PPP1R8: variants seen among roughly 807,000 people sequenced by gnomAD.
PPP1R8 encodes the protein protein phosphatase 1 regulatory subunit 8.
A neutral mutation model predicts 31.3 loss-of-function variants in PPP1R8; 4 were observed. That is an observed-to-expected ratio of 0.13 (90% CI 0.06 to 0.29). The LOEUF is 0.29. Among genes scored for constraint, PPP1R8 ranks in the 10% least tolerant of loss-of-function variants. The probability of loss-of-function intolerance (pLI) is 1.00; values close to 1 mark genes in which losing one functional copy is unlikely to be tolerated. For synonymous variants in PPP1R8, 170 were observed against 169.7 expected (o/e 1.00, Z -0.01); for missense variants, 254 against 440.1 (o/e 0.58, Z 3.78).
At chr1:27,832,851 A>G in intron 2 of PPP1R8, 35 bp downstream of exon 2, 2 of 1,554,390 alleles carry the variant, frequency 1.3e-6, no homozygotes, top group South Asian at 2.3e-5. Flanking sequence ...TTTGGCTGCC[A>G]CACTAAAGAT....
chr1:27,834,328 C>A (rs2089140580), intron 2 of PPP1R8: 2 of 457,198 alleles, frequency 4.4e-6, no homozygotes, highest in South Asian at 3.3e-5. Flanking sequence ...TGTCAAGTTA[C>A]AATCCTTAGA....
intron 2 of PPP1R8, among the ~76,000 whole-genome samples, chr1:27,837,379 C>T (rs911318453): frequency 6.7e-6 from 1 of 150,060 alleles, no homozygotes; most frequent in Non-Finnish European, 1.5e-5. Context: ...TGTAGTGAGC[C>T]GAGATCACGC....
intron 5 of PPP1R8, among the ~76,000 whole-genome samples, chr1:27,846,608 C>T (rs757397522): frequency 1.3e-5 from 2 of 152,216 alleles, no homozygotes; most frequent in Non-Finnish European, 2.9e-5. Flanking sequence ...ATTGTTTTGT[C>T]ACTGATATGG....
intron 5 of PPP1R8, among the ~76,000 whole-genome samples, chr1:27,844,840 C>G (rs1335181106): frequency 1.4e-5 from 2 of 144,500 alleles, no homozygotes; most frequent in Non-Finnish European, 3.0e-5. Flanking sequence ...GCCTCAGCCT[C>G]CCGAGTAGCT....
At chr1:27,840,561 C>G (rs1196845597) in intron 3 of PPP1R8, among the ~76,000 whole-genome samples, 1 of 152,164 alleles carries the variant, frequency 6.6e-6, no homozygotes, top group Non-Finnish European at 1.5e-5. Context: ...TGACTTGGAG[C>G]TGGAGAGGGA....
intron 6 of PPP1R8, among the ~76,000 whole-genome samples, chr1:27,848,753 G>A (rs1486812336): frequency 6.6e-6 from 1 of 152,106 alleles, no homozygotes; most frequent in Admixed American, 6.5e-5. Context: ...GTTTTTCTGT[G>A]GGATTCCATA....
chr1:27,832,890 C>T (rs538236562), intron 2 of PPP1R8, 74 bp downstream of exon 2: 55 of 1,234,272 alleles, frequency 4.5e-5, no homozygotes, highest in Non-Finnish European at 5.9e-5. Context: ...TTTCCACCCC[C>T]TCTCCTGTGC....
chr1:27,839,394 G>A (rs1198027921), intron 3 of PPP1R8, among the ~76,000 whole-genome samples: 5 of 152,090 alleles, frequency 3.3e-5, no homozygotes, highest in African/African-American at 4.8e-5. Context: ...TGGGTGTGGC[G>A]GCGGGTGCCT....
chr1:27,834,457 ATGTGT>A (rs1397708806), intron 2 of PPP1R8: 3 of 519,124 alleles, frequency 5.8e-6, no homozygotes, highest in Non-Finnish European at 1.2e-5. Context: ...AAGGCTTGTG[ATGTGT>A]TGTGATAGCT....
intron 2 of PPP1R8, among the ~76,000 whole-genome samples, chr1:27,837,507 C>T (rs755336650): frequency 2.7e-5 from 4 of 148,822 alleles, no homozygotes; most frequent in Non-Finnish European, 5.9e-5. Context: ...CCGGGCGCAG[C>T]GGTTGGCTCA....
At chr1:27,833,186 C>A (rs1298895692) in intron 2 of PPP1R8, among the ~76,000 whole-genome samples, 1 of 152,110 alleles carries the variant, frequency 6.6e-6, no homozygotes, top group Non-Finnish European at 1.5e-5. Flanking sequence ...AGTTTAACTT[C>A]TAAGTTAATT....
chr1:27,841,548 G>C (rs776378885), intron 4 of PPP1R8, among the ~76,000 whole-genome samples: 7 of 152,200 alleles, frequency 4.6e-5, no homozygotes, highest in Non-Finnish European at 7.3e-5. Flanking sequence ...TCCCTTGACT[G>C]CTTAGAGCTA....
intron 3 of PPP1R8, 100 bp downstream of exon 3, chr1:27,838,952 T>C (rs1557427927): frequency 1.1e-5 from 13 of 1,231,990 alleles, no homozygotes; most frequent in Non-Finnish European, 1.1e-5. Context: ...AAAAAGTTAA[T>C]GTTTGGTTTT....
chr1:27,837,599 T>C (rs1238519021), intron 2 of PPP1R8, among the ~76,000 whole-genome samples: 1 of 146,612 alleles, frequency 6.8e-6, no homozygotes, highest in African/African-American at 2.5e-5. Flanking sequence ...GCTAACACGG[T>C]GAAACCCCTA....
chr1:27,847,798 C>T (rs1571557122), intron 6 of PPP1R8, among the ~76,000 whole-genome samples: 1 of 152,308 alleles, frequency 6.6e-6, no homozygotes, highest in East Asian at 1.9e-4. Flanking sequence ...ATACCATGCT[C>T]CTCTCCCATT....
chr1:27,845,557 G>A (rs1412515503), intron 5 of PPP1R8, among the ~76,000 whole-genome samples: 1 of 151,852 alleles, frequency 6.6e-6, no homozygotes, highest in African/African-American at 2.4e-5. Context: ...AATCAGCTTG[G>A]ATATTTTTGT....
At chr1:27,844,884 ATTTTTTTTTTTTTTTT>A (rs765514573) in intron 5 of PPP1R8, among the ~76,000 whole-genome samples, 1 of 72,396 alleles carries the variant, frequency 1.4e-5, no homozygotes, top group Non-Finnish European at 2.3e-5. Flanking sequence ...TGCCCGACTA[ATTTTTTTTTTTTTTTT>A]TTTTTTTTTT....
chr1:27,831,315 G>A (rs1213938685), intron 1 of PPP1R8: 3 of 996,296 alleles, frequency 3.0e-6, no homozygotes, highest in African/African-American at 1.7e-5. Context: ...TCCCTCTGTG[G>A]TTGCTGCATC....
rs1387574498 is a variant in PPP1R8, at chr1:27,850,074, T to C, written c.703-19T>C. ...TCTTCTCTCTCCAATCTCTCCCCTC[T>C]CCTCATCGTGAACTGTAGAAGAAGC... On this transcript the variant is annotated intron_variant, in intron 6 of 6. Transcript: ENST00000311772. 1.3e-6 allele frequency: 2 copies of C among 1,529,766 alleles called. No homozygotes were observed. The highest frequency in any genetic ancestry group is 4.2e-5 in the Admixed American group (2 of 47,730). 94.8% of individuals were successfully genotyped at this position (1,529,766 alleles called of 1,614,324 possible).
Sources: gnomAD v4.1 joint callset for allele counts (sites outside exome capture counted in the v4.1 genomes callset) on GRCh38, gnomAD v4.1.1 for gene constraint, MANE v1.5 for transcripts, NCBI Gene and HGNC (gene_info 2026-07-23, HGNC 2026-07-21) for gene names.